The following FSHR variants were observed in gnomAD, a reference collection of about 807,000 sequenced individuals.
FSHR encodes follicle-stimulating hormone receptor.
A neutral mutation model predicts 52.1 loss-of-function variants in FSHR; 46 were observed. The ratio of observed to expected loss-of-function variants is 0.88; its 90% CI spans 0.70 to 1.13. The LOEUF (loss-of-function observed/expected upper bound fraction) is 1.13, where lower values mean the gene tolerates loss of function less well. Among genes scored for constraint, FSHR ranks in the 50% most tolerant of loss-of-function variants. FSHR has a pLI of 0.00. For synonymous variants in FSHR, 399 were observed against 309.6 expected (o/e 1.29, Z -3.03); for missense variants, 964 against 834.6 (o/e 1.16, Z -1.91).
intron 4 of FSHR, among the ~76,000 whole-genome samples, chr2:48,998,128 CA>C (rs922192647): frequency 1.3e-4 from 20 of 152,058 alleles, no homozygotes; most frequent in African/African-American, 4.3e-4. Context: ...ATGACTTATA[CA>C]TTTTTTTTTC....
At chr2:48,979,713 G>A (rs1675156875) in intron 8 of FSHR, among the ~76,000 whole-genome samples, 1 of 152,168 alleles carries the variant, frequency 6.6e-6, no homozygotes, top group Non-Finnish European at 1.5e-5. Flanking sequence ...TGTTGCAAAT[G>A]CATTACCCTG....
chr2:49,130,313 G>C (rs928168357), intron 1 of FSHR, among the ~76,000 whole-genome samples: 12 of 152,122 alleles, frequency 7.9e-5, no homozygotes, highest in African/African-American at 2.9e-4. Flanking sequence ...TGGAATCTCT[G>C]CTCTGCTCCC....
At chr2:48,980,214 T>C (rs887548455) in intron 8 of FSHR, among the ~76,000 whole-genome samples, 8 of 152,202 alleles carry the variant, frequency 5.3e-5, no homozygotes, top group African/African-American at 2.4e-5. Flanking sequence ...GCCAGGATCC[T>C]GCACTGAGAT....
chr2:48,999,838 C>A lies in FSHR; in HGVS notation c.375-9201G>T, dbSNP rs189501283. On this transcript the variant is annotated intron_variant, in intron 4 of 9. Transcript: ENST00000406846. ...CGGCTGGCTTTCCCAAACATACTGA[C>A]TTTGGACTCCCACATCATTGTATAG... Among the ~76,000 whole-genome samples the A allele has an allele frequency of 1.3e-4, 20 of 152,236 alleles. No homozygotes were observed. The East Asian group carries it at 3.3e-3, about 25-fold the overall frequency.
At chr2:49,018,991 A>T (rs1288494089) in intron 3 of FSHR, among the ~76,000 whole-genome samples, 2 of 152,238 alleles carry the variant, frequency 1.3e-5, no homozygotes, top group African/African-American at 4.8e-5. Flanking sequence ...ATTTGGACAG[A>T]TGACCTTAGA....
intron 1 of FSHR, among the ~76,000 whole-genome samples, chr2:49,114,193 C>G (rs574096098): frequency 6.6e-6 from 1 of 152,304 alleles, no homozygotes; most frequent in East Asian, 1.9e-4. Context: ...AGCATCACCA[C>G]ATCGCCAGTA....
At chr2:49,097,925 A>G (rs1037223701) in intron 1 of FSHR, among the ~76,000 whole-genome samples, 29 of 151,432 alleles carry the variant, frequency 1.9e-4, no homozygotes, top group Admixed American at 2.6e-4. Context: ...TTATCTTATA[A>G]ATTTATACTC....
rs201936398 is a variant in FSHR, at chr2:48,987,370, A to AT, written c.524+1606dup. On this transcript the variant is annotated intron_variant, in intron 6 of 9. Transcript: ENST00000406846. ...AGATGCCTGCCACCATGCCCAGCTA[A>AT]TTTTTTTTTTTTATATATTTTTAGT... 2.3e-3 allele frequency among the ~76,000 whole-genome samples: 340 copies of AT among 148,112 alleles called. 1 individual carries two copies. The highest frequency in any genetic ancestry group is 6.9e-3 in the East Asian group (35 of 5,082).
At chr2:48,978,680 T>C (rs1675102970) in intron 8 of FSHR, among the ~76,000 whole-genome samples, 1 of 152,202 alleles carries the variant, frequency 6.6e-6, no homozygotes, top group African/African-American at 2.4e-5. Context: ...GCTGCTGATG[T>C]TCAAGGTCAA....
intron 1 of FSHR, among the ~76,000 whole-genome samples, chr2:49,143,700 C>G (rs1459045117): frequency 1.3e-5 from 2 of 152,098 alleles, no homozygotes; most frequent in African/African-American, 4.8e-5. Flanking sequence ...AAATGTGGTT[C>G]TGGAACTAGT....
intron 1 of FSHR, among the ~76,000 whole-genome samples, chr2:49,127,054 G>A (rs373220406): frequency 3.0e-4 from 45 of 152,286 alleles, no homozygotes; most frequent in African/African-American, 5.3e-4. Context: ...AGACTCAGGT[G>A]CAGTGGCTCA....
chr2:49,127,893 TTCTTC>T (rs1558457077), intron 1 of FSHR, among the ~76,000 whole-genome samples: 2,076 of 28,884 alleles, frequency 0.072, 373 homozygotes, highest in Non-Finnish European at 0.081. Context: ...CTTCTTCTTC[TTCTTC>T]TTTTTTTTTT....
At chr2:49,118,636 A>G (rs774332397) in intron 1 of FSHR, among the ~76,000 whole-genome samples, 5 of 152,206 alleles carry the variant, frequency 3.3e-5, no homozygotes, top group Non-Finnish European at 7.3e-5. Flanking sequence ...TGTGGGTCAC[A>G]TTGGCCAAGA....
rs189126881 is a variant in FSHR at position 49,003,591 on chromosome 2, A to G, written c.375-12954T>C. On this transcript the variant is annotated intron_variant, in intron 4 of 9. Transcript: ENST00000406846. ...CGCCTAAGAATACACGTTATGAAAG[A>G]TAAAGTAGAAGAGATGAACAAATAG... is the stretch of plus-strand genomic sequence containing the variant. 2.7e-3 allele frequency among the ~76,000 whole-genome samples: 400 copies of G among 148,988 alleles called. 10 individuals are homozygous for G. Among genetic ancestry groups the G allele is most frequent in the Admixed American group, 0.023 (349 of 15,110 alleles).
intron 1 of FSHR, among the ~76,000 whole-genome samples, chr2:49,074,625 G>A (rs1669878921): frequency 6.6e-6 from 1 of 152,018 alleles, no homozygotes; most frequent in African/African-American, 2.4e-5. Context: ...CAGTATGAAG[G>A]TTCATCAAAA....
chr2:49,021,831 T>TTTTCTCTCTTTCTC (rs760578631), intron 2 of FSHR, among the ~76,000 whole-genome samples: 2 of 46,538 alleles, frequency 4.3e-5, no homozygotes, highest in African/African-American at 1.8e-4. Flanking sequence ...GGGTATGTGT[T>TTTTCTCTCTTTCTC]TCTCTCTCTC....
intron 1 of FSHR, among the ~76,000 whole-genome samples, chr2:49,138,203 G>A (rs1237770493): frequency 6.6e-6 from 1 of 152,084 alleles, no homozygotes; most frequent in Non-Finnish European, 1.5e-5. Flanking sequence ...CTGGAATCAA[G>A]AAGTCAGATA....
chr2:49,108,688 A>G (rs976702327), intron 1 of FSHR, among the ~76,000 whole-genome samples: 2 of 152,184 alleles, frequency 1.3e-5, no homozygotes, highest in African/African-American at 4.8e-5. Context: ...GGGAGAATAA[A>G]GAGACTTGCA....
intron 1 of FSHR, among the ~76,000 whole-genome samples, chr2:49,081,984 A>T (rs558771463): frequency 4.0e-4 from 61 of 152,306 alleles, no homozygotes; most frequent in African/African-American, 1.3e-3. Context: ...GTGTTCTTTG[A>T]ATTTCACACA....
Sources: allele counts gnomAD v4.1 joint callset (sites outside exome capture counted in the v4.1 genomes callset), GRCh38; gene constraint gnomAD v4.1.1; transcripts MANE v1.5; gene names NCBI Gene and HGNC (gene_info 2026-07-23, HGNC 2026-07-21).